KLHL13: variants seen among roughly 807,000 people sequenced by gnomAD.
KLHL13 encodes kelch-like protein 13.
A neutral mutation model predicts 37.1 loss-of-function variants in KLHL13; 10 were observed. The observed-to-expected ratio is 0.27, with a 90% CI of 0.17 to 0.46. The LOEUF (loss-of-function observed/expected upper bound fraction) is 0.46, where lower values mean the gene tolerates loss of function less well. Ranked by LOEUF, KLHL13 falls within the 20% of genes least tolerant of loss-of-function variation. The pLI is 1.00. For missense variants in KLHL13, 360 were observed against 509.3 expected (o/e 0.71, Z 2.82); for synonymous variants, 163 against 181.2 (o/e 0.90, Z 0.81).
intron 1 of KLHL13, among the ~76,000 whole-genome samples, chrX:118,098,776 G>A (rs1344314618): frequency 9.4e-6 from 1 of 105,835 alleles, no homozygotes; most frequent in Non-Finnish European, 1.9e-5. Flanking sequence ...TCCTTTGTAG[G>A]GACATGGATG....
chrX:117,966,643 T>G, intron 1 of KLHL13, among the ~76,000 whole-genome samples: 1 of 111,043 alleles, frequency 9.0e-6, no homozygotes, highest in Non-Finnish European at 1.9e-5. Flanking sequence ...GGCATCACGC[T>G]ACCTGACTTC....
intron 3 of KLHL13, 118 bp downstream of exon 4, chrX:117,920,120 T>C: frequency 1.4e-6 from 1 of 735,055 alleles, no homozygotes; most frequent in Non-Finnish European, 2.0e-6. Context: ...TACTGTTGTG[T>C]ACTTCTTTTG....
chrX:118,010,623 G>C (rs1602647470), intron 1 of KLHL13, among the ~76,000 whole-genome samples: 1 of 83,454 alleles, frequency 1.2e-5, no homozygotes, highest in African/African-American at 4.4e-5. Flanking sequence ...ATAGCATTGG[G>C]AGATATACCT....
chrX:117,976,529 T>G (rs1462949741), upstream of KLHL13, among the ~76,000 whole-genome samples: 2 of 112,095 alleles, frequency 1.8e-5, no homozygotes, highest in Non-Finnish European at 1.9e-5. Context: ...ACTAAAAATA[T>G]GTTCACCTAT....
intron 1 of KLHL13, among the ~76,000 whole-genome samples, chrX:117,959,734 A>C (rs1385864045): frequency 8.9e-6 from 1 of 111,930 alleles, no homozygotes; most frequent in East Asian, 2.8e-4. Context: ...TAAGATAATT[A>C]TGCACATTAT....
At chrX:117,922,027 C>A (rs1265866732) in intron 2 of KLHL13, among the ~76,000 whole-genome samples, 4 of 111,876 alleles carry the variant, frequency 3.6e-5, no homozygotes, top group Non-Finnish European at 7.5e-5. Flanking sequence ...CATTATATAT[C>A]CTATGCCACT....
intron 1 of KLHL13, among the ~76,000 whole-genome samples, chrX:118,043,500 C>T (rs917405688): frequency 4.5e-5 from 5 of 111,294 alleles, no homozygotes; most frequent in African/African-American, 1.3e-4. Flanking sequence ...AAAATATTAG[C>T]AAACTGAATT....
chrX:118,027,618 C>T (rs1342757343), intron 1 of KLHL13, among the ~76,000 whole-genome samples: 3 of 107,211 alleles, frequency 2.8e-5, no homozygotes, highest in East Asian at 2.9e-4. Flanking sequence ...CACTCACACC[C>T]GCTCTCTATT....
At chrX:118,076,748 C>G (rs762611645) in intron 1 of KLHL13, among the ~76,000 whole-genome samples, 87 of 111,169 alleles carry the variant, frequency 7.8e-4, no homozygotes, top group African/African-American at 2.5e-3. Context: ...CACCCCCAAA[C>G]AAGAAGACTG....
chrX:118,057,905 G>A (rs1368671306), intron 1 of KLHL13, among the ~76,000 whole-genome samples: 1 of 111,117 alleles, frequency 9.0e-6, no homozygotes, highest in Non-Finnish European at 1.9e-5. Context: ...TTATATGTAA[G>A]GATATACAGC....
At chrX:118,010,683 A>G (rs2054055444) in intron 1 of KLHL13, among the ~76,000 whole-genome samples, 1 of 99,138 alleles carries the variant, frequency 1.0e-5, no homozygotes, top group Non-Finnish European at 2.0e-5. Context: ...TGGCACATGT[A>G]TACATATGTA....
intron 1 of KLHL13, among the ~76,000 whole-genome samples, chrX:117,988,908 C>T (rs1466882918): frequency 8.9e-6 from 1 of 111,814 alleles, no homozygotes; most frequent in Non-Finnish European, 1.9e-5. Context: ...TTATATTTTA[C>T]TCACCTAACT....
chrX:117,948,412 T>TA (rs1933426786), intron 1 of KLHL13, among the ~76,000 whole-genome samples: 1 of 111,876 alleles, frequency 8.9e-6, no homozygotes, highest in African/African-American at 3.3e-5. Flanking sequence ...AGTCTAAGAG[T>TA]AAAAAAGTAG....
chrX:118,031,259 T>G (rs1345497505), intron 1 of KLHL13, among the ~76,000 whole-genome samples: 1 of 108,465 alleles, frequency 9.2e-6, no homozygotes, highest in East Asian at 2.9e-4. Context: ...TAAAAGTTAG[T>G]TTGAACCTTA....
chrX:117,928,415 A>G (rs1391110777), intron 2 of KLHL13, among the ~76,000 whole-genome samples: 1 of 111,928 alleles, frequency 8.9e-6, no homozygotes, highest in East Asian at 2.8e-4. Flanking sequence ...ATTTTCAGGT[A>G]TATGTGAAAC....
intron 1 of KLHL13, among the ~76,000 whole-genome samples, chrX:118,024,893 G>A (rs898875370): frequency 8.9e-6 from 1 of 112,185 alleles, no homozygotes; most frequent in African/African-American, 3.2e-5. Context: ...CAAACAAAAT[G>A]AGTGCATGTG....
chrX:118,099,455 TAA>T (rs2148171211), intron 1 of KLHL13, among the ~76,000 whole-genome samples: 1 of 111,763 alleles, frequency 8.9e-6, no homozygotes, highest in African/African-American at 3.2e-5. Context: ...TTCAAAAGGC[TAA>T]GTTAAAGCCA....
intron 1 of KLHL13, among the ~76,000 whole-genome samples, chrX:117,988,932 C>A (rs781391732): frequency 9.0e-6 from 1 of 111,700 alleles, no homozygotes; most frequent in South Asian, 3.7e-4. Context: ...AAATCAATTG[C>A]TATTTAATAG....
intron 1 of KLHL13, among the ~76,000 whole-genome samples, chrX:118,060,571 CACA>C (rs2054730452): frequency 9.0e-6 from 1 of 110,867 alleles, no homozygotes; most frequent in South Asian, 3.8e-4. Flanking sequence ...ACCAAATCCT[CACA>C]ACAACCCAGA....
Sources: allele counts gnomAD v4.1 joint callset (sites outside exome capture counted in the v4.1 genomes callset), GRCh38; gene constraint gnomAD v4.1.1; transcripts MANE v1.5; gene names NCBI Gene and HGNC (gene_info 2026-07-23, HGNC 2026-07-21).